Variants in ATOSA observed in about 807,000 individuals in gnomAD.
ATOSA encodes the protein atos homolog A.
the ATOSA span, chr15:52,611,665 G>T: frequency 6.2e-7 from 1 of 1,613,950 alleles, no homozygotes; most frequent in Non-Finnish European, 8.5e-7. Context: ...CTCTGTGGTG[G>T]GCCCATCATC....
At chr15:52,633,484 G>A in the ATOSA span, among the ~76,000 whole-genome samples, 149 of 152,216 alleles carry the variant, frequency 9.8e-4, no homozygotes, top group African/African-American at 3.5e-3. Context: ...CACTGGGAAA[G>A]CCACATAGAG....
chr15:52,588,674 C>A, the ATOSA span, among the ~76,000 whole-genome samples: 1 of 152,150 alleles, frequency 6.6e-6, no homozygotes, highest in African/African-American at 2.4e-5. Flanking sequence ...CAGGCTTCGA[C>A]CTCCTGACCT....
At chr15:52,636,977 C>T in the ATOSA span, among the ~76,000 whole-genome samples, 51 of 152,124 alleles carry the variant, frequency 3.4e-4, no homozygotes, top group South Asian at 8.3e-4. Flanking sequence ...GTATGTACTT[C>T]TGGTTGGCAC....
At chr15:52,628,208 A>C in the ATOSA span, among the ~76,000 whole-genome samples, 1 of 152,210 alleles carries the variant, frequency 6.6e-6, no homozygotes, top group African/African-American at 2.4e-5. Flanking sequence ...ACGATTATGA[A>C]CAGAATCAAT....
chr15:52,659,117 T>C, the ATOSA span, among the ~76,000 whole-genome samples: 1 of 152,190 alleles, frequency 6.6e-6, no homozygotes, highest in Admixed American at 6.5e-5. Context: ...CATCATAGGG[T>C]AACCTCAGCT....
the ATOSA span, among the ~76,000 whole-genome samples, chr15:52,606,227 A>G: frequency 6.6e-6 from 1 of 152,158 alleles, no homozygotes; most frequent in Non-Finnish European, 1.5e-5. Context: ...ATACAGAAAT[A>G]TAAGAAACAC....
At chr15:52,681,753 G>GT in the ATOSA span, among the ~76,000 whole-genome samples, 9 of 151,692 alleles carry the variant, frequency 5.9e-5, no homozygotes, top group Non-Finnish European at 1.0e-4. Flanking sequence ...TCAAAAAAAA[G>GT]TTAACTCATC....
the ATOSA span, chr15:52,648,526 A>G: frequency 1.3e-5 from 2 of 152,282 alleles, no homozygotes; most frequent in African/African-American, 4.8e-5. Flanking sequence ...ATTATTAACT[A>G]TAATTTCCTA....
chr15:52,613,969 A>G, the ATOSA span: 1 of 876,894 alleles, frequency 1.1e-6, no homozygotes, highest in Non-Finnish European at 1.8e-6. Flanking sequence ...TTTAACATAG[A>G]GTGAAAATAA....
chr15:52,599,953 C>G, the ATOSA span, among the ~76,000 whole-genome samples: 1 of 152,032 alleles, frequency 6.6e-6, no homozygotes, highest in South Asian at 2.1e-4. Flanking sequence ...GACATCACTG[C>G]CAACAATTCT....
At chr15:52,664,818 G>A in the ATOSA span, among the ~76,000 whole-genome samples, 2 of 152,032 alleles carry the variant, frequency 1.3e-5, no homozygotes, top group Non-Finnish European at 2.9e-5. Context: ...TGCGCCTATA[G>A]TTTTAGTTGC....
At chr15:52,584,732 T>C in the ATOSA span, 1 of 1,601,670 alleles carries the variant, frequency 6.2e-7, no homozygotes, top group Non-Finnish European at 8.5e-7. Context: ...TTCATATTAA[T>C]TTGAAGCATT....
the ATOSA span, chr15:52,584,647 AG>A: frequency 2.9e-4 from 298 of 1,040,388 alleles, no homozygotes; most frequent in African/African-American, 4.3e-3. Flanking sequence ...CAAAGTCCCA[AG>A]GGACACTGGT....
chr15:52,699,306 G>C, the ATOSA span, among the ~76,000 whole-genome samples: 1 of 152,090 alleles, frequency 6.6e-6, no homozygotes, highest in Non-Finnish European at 1.5e-5. Flanking sequence ...AGTCAGGCAG[G>C]AGATGGAAAA....
chr15:52,586,470 C>G, the ATOSA span: 1 of 152,248 alleles, frequency 6.6e-6, no homozygotes, highest in Non-Finnish European at 1.5e-5. Flanking sequence ...CTTAGCTAGA[C>G]TCTCTTTCAG....
At chr15:52,657,719 G>A in the ATOSA span, 1 of 152,136 alleles carries the variant, frequency 6.6e-6, no homozygotes, top group Non-Finnish European at 1.5e-5. Context: ...TGGAAACTCA[G>A]AAAAGTCAGC....
At chr15:52,678,037 T>C in the ATOSA span, 1 of 1,614,038 alleles carries the variant, frequency 6.2e-7, no homozygotes, top group Non-Finnish European at 8.5e-7. Flanking sequence ...CATCCAATTT[T>C]CGCCCAGAGT....
the ATOSA span, among the ~76,000 whole-genome samples, chr15:52,671,073 G>T: frequency 6.6e-6 from 1 of 152,140 alleles, no homozygotes; most frequent in Admixed American, 6.5e-5. Context: ...ATTCAGCACA[G>T]GGGGTGGACA....
At chr15:52,670,042 T>G in the ATOSA span, among the ~76,000 whole-genome samples, 2 of 152,224 alleles carry the variant, frequency 1.3e-5, no homozygotes, top group African/African-American at 2.4e-5. Context: ...CACCCAGAAA[T>G]AGTGGGCTGT....
Sources: allele counts gnomAD v4.1 joint callset (sites outside exome capture counted in the v4.1 genomes callset), GRCh38; gene constraint gnomAD v4.1.1; transcripts MANE v1.5; gene names NCBI Gene and HGNC (gene_info 2026-07-23, HGNC 2026-07-21).